Variants in GPHN observed in about 807,000 individuals in gnomAD.
GPHN encodes the protein gephyrin.
GPHN carries 17 observed loss-of-function variants against 95.5 expected under a neutral mutation model. That is an observed-to-expected ratio of 0.18 (90% confidence interval 0.12 to 0.27). GPHN has a LOEUF of 0.27. Ranked by LOEUF, GPHN falls within the 10% of genes least tolerant of loss-of-function variation. The pLI, the probability that GPHN is intolerant of heterozygous loss-of-function variation, is 1.00. For synonymous variants in GPHN, 320 were observed against 322.5 expected, an observed-to-expected ratio of 0.99 and a Z score of 0.08; for missense variants, 660 against 978.1, an observed-to-expected ratio of 0.67 and a Z score of 4.34.
At chr14:67,597,930 T>C in the GPHN span, among the ~76,000 whole-genome samples, 460 of 152,244 alleles carry the variant, frequency 3.0e-3, no homozygotes, top group Non-Finnish European at 5.5e-3. Flanking sequence ...GGAACTTTAA[T>C]AGAACTGTGA....
the GPHN span, chr14:67,189,837 ATTTTTTTTTT>A: frequency 2.8e-5 from 3 of 108,096 alleles, no homozygotes; most frequent in Non-Finnish European, 5.4e-5. Context: ...ATTTTTTTTA[ATTTTTTTTTT>A]TTTTTTTTTT....
chr14:67,456,957 A>G, the GPHN span, among the ~76,000 whole-genome samples: 1 of 152,228 alleles, frequency 6.6e-6, no homozygotes, highest in Non-Finnish European at 1.5e-5. Context: ...CATGAAAAAG[A>G]ACGAGATCAC....
intron 4 of GPHN, among the ~76,000 whole-genome samples, chr14:66,876,541 C>G (rs1176223686): frequency 6.6e-6 from 1 of 152,000 alleles, no homozygotes; most frequent in Admixed American, 6.6e-5. Context: ...TAAATAGATA[C>G]AATACAAAAT....
intron 18 of GPHN, among the ~76,000 whole-genome samples, chr14:67,153,322 A>G (rs750603618): frequency 6.6e-6 from 1 of 152,196 alleles, no homozygotes; most frequent in Non-Finnish European, 1.5e-5. Context: ...GTAAACATTT[A>G]TTTCTCATAA....
intron 3 of GPHN, among the ~76,000 whole-genome samples, chr14:66,820,428 A>C (rs75447587): frequency 2.0e-5 from 3 of 152,146 alleles, no homozygotes; most frequent in Non-Finnish European, 2.9e-5. Flanking sequence ...CCAGTGCTAG[A>C]ATCTTTCTTC....
At chr14:66,772,690 C>T (rs1409661990) in intron 2 of GPHN, among the ~76,000 whole-genome samples, 1 of 152,168 alleles carries the variant, frequency 6.6e-6, no homozygotes, top group African/African-American at 2.4e-5. Context: ...ATTTCATATT[C>T]TTCTTTAAAA....
At chr14:67,364,082 C>G in the GPHN span, 1 of 151,914 alleles carries the variant, frequency 6.6e-6, no homozygotes, top group Non-Finnish European at 1.5e-5. Flanking sequence ...AAGCTATTCT[C>G]AAGATTAGGT....
intron 1 of GPHN, among the ~76,000 whole-genome samples, chr14:66,597,071 T>C (rs1595161863): frequency 6.6e-6 from 1 of 152,214 alleles, no homozygotes; most frequent in East Asian, 1.9e-4. Context: ...ATGGGGAAAA[T>C]GGCAGTTATG....
intron 1 of GPHN, among the ~76,000 whole-genome samples, chr14:66,522,378 AGTAT>A (rs1189961477): frequency 6.6e-6 from 1 of 152,148 alleles, no homozygotes; most frequent in African/African-American, 2.4e-5. Context: ...GAGATGTTAT[AGTAT>A]GTATTATATG....
At chr14:67,359,809 C>T in the GPHN span, 1 of 1,232,870 alleles carries the variant, frequency 8.1e-7, no homozygotes, top group Non-Finnish European at 1.2e-6. Flanking sequence ...GGTTGTGTCA[C>T]TTGACCCCTC....
At chr14:67,266,557 C>T in the GPHN span, among the ~76,000 whole-genome samples, 1 of 152,134 alleles carries the variant, frequency 6.6e-6, no homozygotes, top group South Asian at 2.1e-4. Context: ...AACTGCTGAC[C>T]TCAAGTGATC....
the GPHN span, chr14:67,615,436 G>A: frequency 8.7e-6 from 2 of 230,840 alleles, no homozygotes; most frequent in East Asian, 2.1e-4. Flanking sequence ...GTGAGAGCCG[G>A]ATGGGCCCTA....
chr14:67,221,856 G>T, the GPHN span: 1 of 1,603,406 alleles, frequency 6.2e-7, no homozygotes, highest in Non-Finnish European at 8.5e-7. Flanking sequence ...CTGGTATTCA[G>T]TAGTCATCTC....
At chr14:67,529,954 G>C in the GPHN span, among the ~76,000 whole-genome samples, 2 of 152,142 alleles carry the variant, frequency 1.3e-5, no homozygotes, top group African/African-American at 4.8e-5. Context: ...CCCTTGATTT[G>C]AGGCTTTTTT....
chr14:67,666,598 T>G, the GPHN span, among the ~76,000 whole-genome samples: 5 of 152,314 alleles, frequency 3.3e-5, no homozygotes, highest in Middle Eastern at 3.4e-3. Flanking sequence ...CTGAGAGGGA[T>G]CAATAGCAGC....
chr14:67,146,309 C>T (rs1382559628), intron 18 of GPHN, among the ~76,000 whole-genome samples: 1 of 152,220 alleles, frequency 6.6e-6, no homozygotes, highest in African/African-American at 2.4e-5. Context: ...CTCTCCCCTC[C>T]TTCACCTCAC....
chr14:67,627,467 G>A, the GPHN span, among the ~76,000 whole-genome samples: 1 of 151,984 alleles, frequency 6.6e-6, no homozygotes, highest in Non-Finnish European at 1.5e-5. Flanking sequence ...CTAGTTTTGG[G>A]CATTGAAAAG....
intron 21 of GPHN, among the ~76,000 whole-genome samples, chr14:67,171,307 T>G (rs551005764): frequency 1.3e-5 from 2 of 151,918 alleles, no homozygotes; most frequent in Admixed American, 6.6e-5. Flanking sequence ...TGGTCACTTA[T>G]GGTTGGAGGT....
intron 1 of GPHN, among the ~76,000 whole-genome samples, chr14:66,665,254 A>G (rs1177169121): frequency 2.0e-5 from 3 of 152,204 alleles, no homozygotes; most frequent in Non-Finnish European, 4.4e-5. Context: ...AGCAAACTGA[A>G]TCCAGCTTAT....
Sources: gnomAD v4.1 joint callset for allele counts (sites outside exome capture counted in the v4.1 genomes callset) on GRCh38, gnomAD v4.1.1 for gene constraint, MANE v1.5 for transcripts, NCBI Gene and HGNC (gene_info 2026-07-23, HGNC 2026-07-21) for gene names.